Variants in ATR observed in about 807,000 individuals in gnomAD.
The protein encoded by ATR is ATR checkpoint kinase, also known as serine/threonine-protein kinase ATR.
In ATR, 142 loss-of-function variants were observed where a neutral mutation model predicts 305.3. The observed-to-expected ratio is 0.47, with a 90% CI of 0.41 to 0.53. ATR has a LOEUF of 0.53. Ranked by LOEUF, ATR falls within the 20% of genes least tolerant of loss-of-function variation. The pLI is 0.00. For synonymous variants in ATR, 1,050 were observed against 1,068.1 expected, an observed-to-expected ratio of 0.98 and a Z score of 0.33; for missense variants, 2,135 against 3,133.1, an observed-to-expected ratio of 0.68 and a Z score of 7.60.
chr3:142,483,634 C>T (rs1168669399), intron 36 of ATR, among the ~76,000 whole-genome samples: 13 of 151,866 alleles, frequency 8.6e-5, no homozygotes, highest in Non-Finnish European at 1.5e-4. Flanking sequence ...GTCAGGAGTT[C>T]GAGACCAGCC....
At chr3:142,477,451 C>T (rs1231292246) in intron 36 of ATR, among the ~76,000 whole-genome samples, 1 of 152,178 alleles carries the variant, frequency 6.6e-6, no homozygotes, top group Non-Finnish European at 1.5e-5. Context: ...CCCACTTCAT[C>T]ATGGTGGATA....
intron 44 of ATR, among the ~76,000 whole-genome samples, chr3:142,458,418 G>C (rs538941651): frequency 6.6e-6 from 1 of 152,278 alleles, no homozygotes; most frequent in East Asian, 1.9e-4. Flanking sequence ...GATGATGGAG[G>C]TGAAGAAAAT....
intron 1 of ATR, among the ~76,000 whole-genome samples, chr3:142,576,901 A>ATC (rs10656790): frequency 0.64 from 97,467 of 151,694 alleles, 32,685 homozygotes; most frequent in African/African-American, 0.85. Context: ...GAACACTAAT[A>ATC]TCTTTTTTTT....
chr3:142,465,183 C>T lies in ATR; in HGVS notation c.6955G>A (p.Gly2319Arg), dbSNP rs756232416. Residue 2319 changes from glycine to arginine, a missense_variant, in exon 41 of 47, where the codon GGA becomes AGA. Transcript: ENST00000350721. ...PKKISLKGSD[G>R]KFYIMMCKPK... ...TTACACATCATGATGTAGAACTTTC[C>T]ATCTGAGCCTTTTAAAGAAATCTTC... is the stretch of plus-strand genomic sequence containing the variant. 1.2e-6 allele frequency: 2 copies of T among 1,609,162 alleles called. No homozygotes were observed. Among genetic ancestry groups the T allele is most frequent in the Non-Finnish European group, 8.5e-7 (1 of 1,176,508 alleles).
At chr3:142,513,231 G>A (rs959785984) in intron 26 of ATR, among the ~76,000 whole-genome samples, 5 of 152,086 alleles carry the variant, frequency 3.3e-5, no homozygotes, top group African/African-American at 7.2e-5. Context: ...AAATTTCTGC[G>A]TGGCAAAATG....
At chr3:142,519,893 T>C (rs1408638437) in intron 23 of ATR, 109 bp from the exon 24 acceptor site, 1 of 860,458 alleles carries the variant, frequency 1.2e-6, no homozygotes, top group African/African-American at 1.7e-5. Context: ...TAACTCATTT[T>C]ATTGCACTTC....
At chr3:142,574,376 C>T (rs1011406572) in intron 1 of ATR, among the ~76,000 whole-genome samples, 9 of 149,048 alleles carry the variant, frequency 6.0e-5, no homozygotes, top group Middle Eastern at 3.3e-3. Flanking sequence ...GTGGGAGGAT[C>T]GCTTGACCCC....
At chr3:142,452,597 C>G (rs897386756) in intron 46 of ATR, 1 of 764,832 alleles carries the variant, frequency 1.3e-6, no homozygotes, top group Admixed American at 5.7e-5. Flanking sequence ...CTGCTTGAAC[C>G]CAGGAGGCAG....
In ATR at chr3:142,479,227, G is replaced by A. The variant is rs986057184; in HGVS notation, c.6221+5913C>T. 5.9e-5 allele frequency among the ~76,000 whole-genome samples: 9 copies of A among 152,216 alleles called. No individual in the cohort carries two copies. The South Asian group carries it at 1.2e-3, about 21-fold the overall frequency. ...GCATGTTTCTGCAGTGGCTGGTACC[G>A]ATTGTTCCTTTCCATGTTTAGTGCT... On this transcript the variant is annotated intron_variant, in intron 36 of 46. Coordinates refer to ENST00000350721, the MANE Select transcript of ATR (RefSeq NM_001184.4).
In ATR at chr3:142,550,187, G is replaced by C; in HGVS notation, c.2921C>G (p.Thr974Arg). 6.2e-7 allele frequency: 1 copy of C among 1,614,144 alleles called. No individual in the cohort carries two copies. Among genetic ancestry groups the C allele is most frequent in the Non-Finnish European group, 8.5e-7 (1 of 1,180,026 alleles). The change falls in exon 14 of 47, where the codon ACG becomes AGG. Residue 974 changes from threonine to arginine, a missense_variant. Coordinates refer to ENST00000350721, the MANE Select transcript of ATR (RefSeq NM_001184.4). ...GAAAACGTTGGCAATTTCAGACAAC[G>C]TATTTAAAGCCATTTCTCTCTGGTG... is the stretch of plus-strand genomic sequence containing the variant. Reference protein sequence around the residue: ...VAHQREMALNTLSEIANVFDF... With the variant: ...VAHQREMALNRLSEIANVFDF...
chr3:142,547,394 T>C (rs2034308177), intron 16 of ATR, among the ~76,000 whole-genome samples: 1 of 152,154 alleles, frequency 6.6e-6, no homozygotes, highest in Admixed American at 6.5e-5. Context: ...ACTTCAACAT[T>C]TTTATTCAGT....
In ATR at chr3:142,498,721, T is replaced by C; in HGVS notation, c.5434A>G (p.Lys1812Glu). Residue 1812 changes from lysine (K) to glutamate (E), a missense_variant, in exon 32 of 47, where the codon AAA becomes GAA. Transcript: ENST00000350721. ...TAAAAAGCTGTGATATCTCTTTTTT[T>C]GGCTGATAATAATAGCTGTCCCAGT... Reference protein sequence around the residue: ...VRLGQLLLSAKKRDITAFYDS... With the variant: ...VRLGQLLLSAEKRDITAFYDS... 6.2e-7 allele frequency: 1 copy of C among 1,614,142 alleles called. No homozygotes were observed. The highest frequency in any genetic ancestry group is 8.5e-7 in the Non-Finnish European group (1 of 1,180,008).
At chr3:142,542,830 A>T in intron 16 of ATR, 73 bp from the exon 17 acceptor site, 2 of 1,197,260 alleles carry the variant, frequency 1.7e-6, no homozygotes, top group Non-Finnish European at 2.4e-6. Flanking sequence ...TTAATTATTT[A>T]ATTAATGTCA....
intron 21 of ATR, among the ~76,000 whole-genome samples, chr3:142,533,057 C>G (rs2033722146): frequency 6.6e-6 from 1 of 151,984 alleles, no homozygotes; most frequent in Non-Finnish European, 1.5e-5. Context: ...CCAGTACTCC[C>G]AGAGGCCCAG....
chr3:142,476,311 C>A (rs1258860496), intron 36 of ATR, among the ~76,000 whole-genome samples: 3 of 152,068 alleles, frequency 2.0e-5, no homozygotes, highest in Non-Finnish European at 4.4e-5. Flanking sequence ...TTTCTACATA[C>A]AGCTAGCCAG....
At chr3:142,538,725 A>G in intron 18 of ATR, 100 bp from the exon 19 acceptor site, 1 of 1,428,462 alleles carries the variant, frequency 7.0e-7, no homozygotes, top group Non-Finnish European at 9.7e-7. Context: ...ATATACAAAC[A>G]ATAGATTAAA....
chr3:142,542,293 A>G (rs949635274), intron 17 of ATR, among the ~76,000 whole-genome samples: 1 of 152,146 alleles, frequency 6.6e-6, no homozygotes, highest in Non-Finnish European at 1.5e-5. Flanking sequence ...GCTTGAAGCC[A>G]TTGAGGTCAT....
At chr3:142,523,515 C>T (rs527972540) in intron 22 of ATR, among the ~76,000 whole-genome samples, 68 of 152,204 alleles carry the variant, frequency 4.5e-4, no homozygotes, top group African/African-American at 1.3e-3. Flanking sequence ...TTTTAATATA[C>T]GCATATAGTA....
intron 43 of ATR, 56 bp downstream of exon 43, chr3:142,459,171 A>G: frequency 6.2e-7 from 1 of 1,611,782 alleles, no homozygotes; most frequent in Non-Finnish European, 8.5e-7. Flanking sequence ...TATAAATCTA[A>G]AATATTAAAA....
Sources: gnomAD v4.1 joint callset for allele counts (sites outside exome capture counted in the v4.1 genomes callset) on GRCh38, gnomAD v4.1.1 for gene constraint, MANE v1.5 for transcripts, NCBI Gene and HGNC (gene_info 2026-07-23, HGNC 2026-07-21) for gene names.